Variants in CARD18 observed in about 807,000 individuals in gnomAD.
CARD18 encodes caspase recruitment domain family member 18.
In CARD18, 7 loss-of-function variants were observed where a neutral mutation model predicts 7.9. The observed-to-expected ratio is 0.88, with a 90% CI of 0.50 to 1.66. The LOEUF (loss-of-function observed/expected upper bound fraction) is 1.66. CARD18 is among the 40% of genes most tolerant of loss of function. The pLI, the probability that CARD18 is intolerant of heterozygous loss-of-function variation, is 0.00. For missense variants in CARD18, 134 were observed against 105.5 expected (o/e 1.27, Z -1.18); for synonymous variants, 34 against 34.8 (o/e 0.98, Z 0.08).
In CARD18 at chr11:105,138,963, G is replaced by C; in HGVS notation, c.123C>G (p.Asn41Lys). Reference sequence around the variant, plus strand: ...CAGTGTCATTTTCATCTCTCACTTTGTTCATGTCTTCCTGGCTAATAACTT... The same window carrying C: ...CAGTGTCATTTTCATCTCTCACTTTCTTCATGTCTTCCTGGCTAATAACTT... ...EDEVISQEDMNKVRDENDTVM... is the reference protein window; with the variant it reads ...EDEVISQEDMKKVRDENDTVM... Residue 41 changes from asparagine (N) to lysine (K), a missense_variant, in exon 2 of 3, where the codon AAC becomes AAG. Transcript: ENST00000530950. 1 of 1,613,708 alleles carries C rather than the reference G, an allele frequency of 6.2e-7. No homozygotes were observed. The highest frequency in any genetic ancestry group is 8.5e-7 in the Non-Finnish European group (1 of 1,179,740).
At chr11:105,138,545 C>T (rs1865434164) in intron 2 of CARD18, among the ~76,000 whole-genome samples, 1 of 151,950 alleles carries the variant, frequency 6.6e-6, no homozygotes, top group Non-Finnish European at 1.5e-5. Context: ...AACATCTAGG[C>T]TCTTTAAATG....
intron 2 of CARD18, among the ~76,000 whole-genome samples, chr11:105,138,342 C>T (rs1207729871): frequency 6.6e-6 from 1 of 152,072 alleles, no homozygotes; most frequent in Non-Finnish European, 1.5e-5. Flanking sequence ...TATACACACT[C>T]AATTTATTCT....
chr11:105,138,702 C>A, intron 2 of CARD18, 110 bp downstream of exon 2: 1 of 1,247,122 alleles, frequency 8.0e-7, no homozygotes, highest in South Asian at 1.4e-5. Context: ...GAGTCTGAGG[C>A]TAAAATGATA....
At chr11:105,138,682 T>C in intron 2 of CARD18, 130 bp downstream of exon 2, 1 of 1,008,038 alleles carries the variant, frequency 9.9e-7, no homozygotes, top group Admixed American at 2.2e-5. Context: ...GAGCCATGCA[T>C]AAAGGAATGG....
chr11:105,139,212 G>A, intron 1 of CARD18, 134 bp from the exon 2 acceptor site: 2 of 939,104 alleles, frequency 2.1e-6, no homozygotes, highest in East Asian at 2.5e-5. Context: ...TTATACCTTT[G>A]CATTTACTCC....
chr11:105,139,169 T>A lies in CARD18; in HGVS notation c.8-91A>T, dbSNP rs1021328513. ...AGGGTAACAATCATTTAAACATTTCTCTCCACAAGTACAGTAATCCCAAGG... is the reference window on the plus strand; with the variant it reads ...AGGGTAACAATCATTTAAACATTTCACTCCACAAGTACAGTAATCCCAAGG... On this transcript the variant is annotated intron_variant, in intron 1 of 2. Transcript: ENST00000530950. 23 of 1,376,774 alleles carry A rather than the reference T, an allele frequency of 1.7e-5. No homozygotes were observed. In the African/African-American group the frequency reaches 3.0e-4, roughly 18 times the overall value. The allele number at this position is 1,376,774 out of a possible 1,614,324, so 85.3% of individuals were successfully genotyped here.
At chr11:105,139,687 C>A (rs1865449228) in intron 1 of CARD18, 33 bp downstream of exon 1, 3 of 1,598,086 alleles carry the variant, frequency 1.9e-6, no homozygotes, top group Non-Finnish European at 2.5e-6. Context: ...TAATTCCTCC[C>A]TAAGACCTAT....
At chr11:105,138,652 G>C (rs147301282) in intron 2 of CARD18, among the ~76,000 whole-genome samples, 160 bp downstream of exon 2, 14 of 152,254 alleles carry the variant, frequency 9.2e-5, no homozygotes, top group African/African-American at 3.1e-4. Context: ...CAAAAACGTA[G>C]ACAGAAGAGA....
chr11:105,139,051 ATTC>A lies in CARD18; in HGVS notation c.32_34del (p.Arg11del). 1.9e-6 allele frequency: 3 copies of A among 1,613,266 alleles called. No individual in the cohort carries two copies. The highest frequency in any genetic ancestry group is 2.5e-6 in the Non-Finnish European group (3 of 1,179,550). On this transcript the variant is annotated inframe_deletion, in exon 2 of 3. Transcript: ENST00000530950. ...GCCTGCACCCACTGAATGGATAAAA[ATTC>A]TTCTCTTTTTACGCAAGAGTTGGTC...
At chr11:105,139,335 T>G in intron 1 of CARD18, 1 of 553,662 alleles carries the variant, frequency 1.8e-6, no homozygotes, top group Non-Finnish European at 3.2e-6. Context: ...CATTCTATTC[T>G]GACACATCCC....
In CARD18 at chr11:105,139,033, C is replaced by A. The variant is rs757868828; in HGVS notation, c.53G>T (p.Gly18Val). ...KKRRIFIHSV[G>V]AGTINALLDC... ...CAGCAAGGCATTTATTGTGCCTGCA[C>A]CCACTGAATGGATAAAAATTCTTCT... is the stretch of plus-strand genomic sequence containing the variant. The change falls in exon 2 of 3, where the codon GGT (glycine) becomes GTT (valine). Residue 18 changes from glycine (G) to valine (V), a missense_variant. By Grantham distance (109) the Gly-to-Val change is moderately radical. Coordinates refer to ENST00000530950, the MANE Select transcript of CARD18 (RefSeq NM_021571.4). The A allele has an allele frequency of 1.4e-5, 23 of 1,613,354 alleles. No homozygotes were observed. Among genetic ancestry groups the A allele is most frequent in the Non-Finnish European group, 1.9e-5 (23 of 1,179,638 alleles).
chr11:105,138,686 G>A, intron 2 of CARD18, 126 bp downstream of exon 2: 1 of 1,044,602 alleles, frequency 9.6e-7, no homozygotes, highest in Non-Finnish European at 1.4e-6. Flanking sequence ...CATGCATAAA[G>A]GAATGGAGTC....
At chr11:105,139,391 A>C in intron 1 of CARD18, 1 of 536,562 alleles carries the variant, frequency 1.9e-6, no homozygotes, top group Non-Finnish European at 3.3e-6. Context: ...TGAATTTTGA[A>C]GGGAATTGAC....
rs1281170890 is a variant in CARD18 at position 105,139,705 on chromosome 11, C to A, written c.7+15G>T. 1 of 1,598,772 alleles carries A rather than the reference C, an allele frequency of 6.3e-7. No individual in the cohort carries two copies. Among genetic ancestry groups the A allele is most frequent in the Non-Finnish European group, 8.5e-7 (1 of 1,179,326 alleles). ...TTCCTCCCTAAGACCTATCCTCTTA[C>A]TGGGGAAGACTCACCAGCCATGGCT... On this transcript the variant is annotated intron_variant, in intron 1 of 2. Transcript: ENST00000530950.
chr11:105,138,720 T>C, intron 2 of CARD18, 92 bp downstream of exon 2: 2 of 1,374,744 alleles, frequency 1.5e-6, no homozygotes, highest in Non-Finnish European at 2.0e-6. Context: ...ATAGGAACCC[T>C]ATTATCAACT....
intron 1 of CARD18, 120 bp from the exon 2 acceptor site, chr11:105,139,198 G>T: frequency 8.9e-7 from 1 of 1,120,566 alleles, no homozygotes; most frequent in South Asian, 1.5e-5. Context: ...CCCAAGGAAC[G>T]GTCTTATACC....
At position 105,139,736 on chromosome 11, in the gene CARD18, C is replaced by T. The variant is rs369430361; in HGVS notation, c.-10G>A. 5.9e-5 allele frequency: 94 copies of T among 1,598,820 alleles called. No individual in the cohort carries two copies. Among genetic ancestry groups the T allele is most frequent in the Non-Finnish European group, 7.3e-5 (86 of 1,179,392 alleles). ...AAGACTCACCAGCCATGGCTCCTCACGTTGGCACTTGCAATGTGTGTTACA... is the reference window on the plus strand; with the variant it reads ...AAGACTCACCAGCCATGGCTCCTCATGTTGGCACTTGCAATGTGTGTTACA... On this transcript the variant is annotated 5_prime_UTR_variant, in exon 1 of 3. In the 5' UTR this introduces an upstream ATG that the reference lacks. Transcript: ENST00000530950.
At chr11:105,138,348 A>T (rs928050182) in intron 2 of CARD18, among the ~76,000 whole-genome samples, 2 of 152,188 alleles carry the variant, frequency 1.3e-5, no homozygotes, top group African/African-American at 2.4e-5. Flanking sequence ...CACTCAATTT[A>T]TTCTTTGACA....
At chr11:105,138,606 C>T (rs1865434822) in intron 2 of CARD18, among the ~76,000 whole-genome samples, 1 of 152,062 alleles carries the variant, frequency 6.6e-6, no homozygotes, top group South Asian at 2.1e-4. Context: ...GAGCTGTGGT[C>T]AGCAGGGAGT....
Sources: allele counts gnomAD v4.1 joint callset (sites outside exome capture counted in the v4.1 genomes callset), GRCh38; gene constraint gnomAD v4.1.1; transcripts MANE v1.5; gene names NCBI Gene and HGNC (gene_info 2026-07-23, HGNC 2026-07-21).